Variants in CACNA1I observed in about 807,000 individuals in gnomAD.
The protein encoded by CACNA1I is calcium voltage-gated channel subunit alpha1 I, also known as voltage-dependent T-type calcium channel subunit alpha-1I.
Under a neutral mutation model 201.6 loss-of-function variants are expected in CACNA1I, and 74 were observed. The ratio of observed to expected loss-of-function variants is 0.37; its 90% CI spans 0.30 to 0.45. The LOEUF is 0.45. CACNA1I is among the 20% of genes least tolerant of loss of function. CACNA1I has a pLI of 1.00. For synonymous variants in CACNA1I, 1,431 were observed against 1,345.2 expected (o/e 1.06, Z -1.40); for missense variants, 2,346 against 3,138.1 (o/e 0.75, Z 6.03).
intron 1 of CACNA1I, among the ~76,000 whole-genome samples, chr22:39,585,613 G>C (rs1168786163): frequency 7.0e-6 from 1 of 143,358 alleles, no homozygotes. Flanking sequence ...GTCTTGAACT[G>C]CTAGCCTCGA....
intron 1 of CACNA1I, among the ~76,000 whole-genome samples, chr22:39,580,168 G>T (rs1781349965): frequency 6.6e-6 from 1 of 152,208 alleles, no homozygotes; most frequent in African/African-American, 2.4e-5. Context: ...TTTAGAGGGG[G>T]AGGTGTCCCT....
chr22:39,625,205 C>T (rs559559673), intron 4 of CACNA1I, among the ~76,000 whole-genome samples: 23 of 151,696 alleles, frequency 1.5e-4, no homozygotes, highest in African/African-American at 3.6e-4. Context: ...CGTGCCCAGC[C>T]GGGACACAGT....
Position 39,649,378 on chromosome 22 carries a change from C to T in CACNA1I, c.1568-123C>T, listed in dbSNP as rs1241427547. 3.9e-6 allele frequency: 4 copies of T among 1,017,698 alleles called. No individual in the cohort carries two copies. The highest frequency in any genetic ancestry group is 4.1e-6 in the Non-Finnish European group (3 of 723,584). The allele number at this position is 1,017,698 out of a possible 1,614,324, so 63.0% of individuals were successfully genotyped here. ...AGGCACCCCTGACCGCCTTTCCAGG[C>T]TGGGTCGGCTGGTTCCAGGCAGACC... is the stretch of plus-strand genomic sequence containing the variant. On this transcript the variant is annotated intron_variant, in intron 9 of 36. Coordinates refer to ENST00000402142, the MANE Select transcript of CACNA1I (RefSeq NM_021096.4). The surrounding 1 kb of genome is among the most constrained non-coding windows in gnomAD (Gnocchi z 7.3).
At chr22:39,636,509 G>A (rs796617155) in intron 5 of CACNA1I, among the ~76,000 whole-genome samples, 2 of 152,312 alleles carry the variant, frequency 1.3e-5, no homozygotes, top group East Asian at 1.9e-4. Flanking sequence ...GGGGATGGTC[G>A]GTGTTGCGTG....
chr22:39,640,813 C>T, intron 5 of CACNA1I, 54 bp from the exon 6 acceptor site: 1 of 1,453,374 alleles, frequency 6.9e-7, no homozygotes, highest in South Asian at 1.3e-5. Context: ...TCCTGATCCT[C>T]CTGACAGTGA....
chr22:39,616,046 T>C (rs1933525995), intron 3 of CACNA1I, among the ~76,000 whole-genome samples: 1 of 152,118 alleles, frequency 6.6e-6, no homozygotes, highest in East Asian at 1.9e-4. Context: ...CTCAGGGGAA[T>C]TTGGGGAATG....
At chr22:39,669,917 C>G (rs1401679811) in intron 24 of CACNA1I, 121 bp from the exon 25 acceptor site, 6 of 1,096,828 alleles carry the variant, frequency 5.5e-6, no homozygotes, top group Non-Finnish European at 8.3e-6. Context: ...ACCTCACAGC[C>G]ACCTTCCTGG....
chr22:39,665,700 G>A lies in CACNA1I; in HGVS notation c.3978+76G>A. 1 of 1,577,894 alleles carries A rather than the reference G, an allele frequency of 6.3e-7. No homozygotes were observed. Among genetic ancestry groups the A allele is most frequent in the Non-Finnish European group, 8.7e-7 (1 of 1,155,612 alleles). On this transcript the variant is annotated intron_variant, in intron 22 of 36. Transcript: ENST00000402142. This position sits in a 1 kb window ranked among gnomAD's most constrained non-coding sequence, Gnocchi z 5.5. ...GGAAGTCTCAGACAGCCAGGGGAGA[G>A]ACTCCACATTCCAACCTCATGCGCC...
intron 28 of CACNA1I, 57 bp downstream of exon 28, chr22:39,673,139 C>T (rs1775539220): frequency 8.2e-7 from 1 of 1,226,322 alleles, no homozygotes; most frequent in South Asian, 1.3e-5. Flanking sequence ...GATGAGACTC[C>T]TCATTGCCTG....
chr22:39,656,434 A>T (rs1001336572), intron 10 of CACNA1I: 4 of 517,990 alleles, frequency 7.7e-6, no homozygotes, highest in Non-Finnish European at 7.7e-6. Context: ...CTGCCTCCTG[A>T]CCCCACTAGC....
intron 10 of CACNA1I, among the ~76,000 whole-genome samples, chr22:39,654,182 T>A (rs1934743973): frequency 1.3e-5 from 2 of 152,136 alleles, no homozygotes; most frequent in Non-Finnish European, 2.9e-5. Flanking sequence ...GGTGCCAGGG[T>A]GAGCAGCGAC....
chr22:39,670,904 A>G lies in CACNA1I; in HGVS notation c.4489A>G (p.Ile1497Val). ...CCTGGACATCTTCATCACCTTCATCATCTGCCTCAACGTGGTCACCATGTC... is the reference window on the plus strand; with the variant it reads ...CCTGGACATCTTCATCACCTTCATCGTCTGCCTCAACGTGGTCACCATGTC... ...HYLDIFITFI[I>V]CLNVVTMSLE... Residue 1497 changes from isoleucine to valine, a missense_variant, in exon 26 of 37, where the codon ATC becomes GTC. By Grantham distance (29) the Ile-to-Val change is conservative (BLOSUM62 3). Coordinates refer to ENST00000402142, the MANE Select transcript of CACNA1I (RefSeq NM_021096.4). 6.2e-7 allele frequency: 1 copy of G among 1,613,750 alleles called. No homozygotes were observed. The highest frequency in any genetic ancestry group is 8.5e-7 in the Non-Finnish European group (1 of 1,179,826).
chr22:39,625,082 ATTTT>A (rs1419664630), intron 4 of CACNA1I, among the ~76,000 whole-genome samples: 1 of 151,538 alleles, frequency 6.6e-6, no homozygotes, highest in Non-Finnish European at 1.5e-5. Flanking sequence ...TAATTTTTGT[ATTTT>A]TAGTAGAGAC....
chr22:39,604,739 G>A (rs1050204212), intron 3 of CACNA1I, among the ~76,000 whole-genome samples: 5 of 151,744 alleles, frequency 3.3e-5, no homozygotes, highest in East Asian at 1.9e-4. Flanking sequence ...CCCCATGCCC[G>A]GCTAATTTTT....
intron 10 of CACNA1I, among the ~76,000 whole-genome samples, chr22:39,656,240 C>T (rs376591458): frequency 6.6e-6 from 1 of 151,720 alleles, no homozygotes; most frequent in African/African-American, 2.4e-5. Flanking sequence ...TTTTTTCCAT[C>T]CTCCTTTTAA....
chr22:39,655,696 G>T (rs917337204), intron 10 of CACNA1I, among the ~76,000 whole-genome samples: 2 of 151,706 alleles, frequency 1.3e-5, no homozygotes, highest in Non-Finnish European at 1.5e-5. Context: ...GCCCATCTCC[G>T]CCCCTCCCTC....
At chr22:39,641,470 G>T (rs1329529545) in intron 6 of CACNA1I, among the ~76,000 whole-genome samples, 1 of 152,204 alleles carries the variant, frequency 6.6e-6, no homozygotes, top group Non-Finnish European at 1.5e-5. Flanking sequence ...GCCTCAGGCT[G>T]CCTTGGGCCC....
chr22:39,579,774 G>A (rs1289196614), intron 1 of CACNA1I, among the ~76,000 whole-genome samples: 1 of 152,044 alleles, frequency 6.6e-6, no homozygotes, highest in Non-Finnish European at 1.5e-5. Flanking sequence ...AGCCTCCTGA[G>A]TAGCTGGGAT....
At position 39,648,601 on chromosome 22, in the gene CACNA1I, C is replaced by T. The variant is rs1395078889; in HGVS notation, c.1567+675C>T. Among the ~76,000 whole-genome samples the T allele has an allele frequency of 6.6e-6, 1 of 152,050 alleles. No individual in the cohort carries two copies. The highest frequency in any genetic ancestry group is 6.5e-5 in the Admixed American group (1 of 15,282). ...CAGAGGTGTGAATGAGCCAGGGGTG[C>T]TTATTCAGGGCTTGGGAGGCATCTG... On this transcript the variant is annotated intron_variant, in intron 9 of 36. Coordinates refer to ENST00000402142, the MANE Select transcript of CACNA1I (RefSeq NM_021096.4). The surrounding 1 kb of genome is among the most constrained non-coding windows in gnomAD (Gnocchi z 5.4).
Sources: allele counts gnomAD v4.1 joint callset (sites outside exome capture counted in the v4.1 genomes callset), GRCh38; gene constraint gnomAD v4.1.1; non-coding constraint Gnocchi (gnomAD v3.1); transcripts MANE v1.5; gene names NCBI Gene and HGNC (gene_info 2026-07-23, HGNC 2026-07-21).